Variants in TPT1 observed in about 807,000 individuals in gnomAD.
TPT1 encodes translationally-controlled tumor protein.
In TPT1, 5 loss-of-function variants were observed where a neutral mutation model predicts 22.8. That is an observed-to-expected ratio of 0.22 (90% CI 0.11 to 0.46). The LOEUF (loss-of-function observed/expected upper bound fraction) is 0.46, where lower values mean the gene tolerates loss of function less well. TPT1 is among the 20% of genes least tolerant of loss of function. TPT1 has a pLI of 0.99. For missense variants in TPT1, 130 were observed against 218.7 expected (o/e 0.59, Z 2.56); for synonymous variants, 89 against 73.6 (o/e 1.21, Z -1.07).
rs751541731 is a variant in TPT1, at chr13:45,341,171, G to C, written c.-102C>G. On this transcript the variant is annotated 5_prime_UTR_variant, in exon 1 of 6. Transcript: ENST00000530705. ...GAGCGGCGCTCGGGGGGAGGGGGGA[G>C]CGGGCGGAAAAGGCCGACTCAGCCG... is the stretch of plus-strand genomic sequence containing the variant. The C allele has an allele frequency of 3.1e-5, 48 of 1,533,122 alleles. No homozygotes were observed. The Admixed American group carries it at 8.7e-4, about 28-fold the overall frequency. The allele number at this position is 1,533,122 out of a possible 1,614,324, so 95.0% of individuals were successfully genotyped here. A position where few individuals can be genotyped will look rare whatever the true frequency, so the allele number is the denominator to read the frequency against.
intron 4 of TPT1, 103 bp downstream of exon 4, chr13:45,339,394 T>G: frequency 1.0e-6 from 1 of 989,098 alleles, no homozygotes; most frequent in South Asian, 2.1e-5. Flanking sequence ...AGCCACTTTC[T>G]ACACCTGGAA....
chr13:45,340,595 G>A (rs1186217694), intron 2 of TPT1, 117 bp downstream of exon 2: 9 of 1,224,766 alleles, frequency 7.3e-6, no homozygotes, highest in East Asian at 5.1e-5. Flanking sequence ...AGCCCGGAAA[G>A]AGCGTCTCCT....
At chr13:45,339,739 A>G (rs964312869) in intron 3 of TPT1, 137 bp from the exon 4 acceptor site, 5 of 795,152 alleles carry the variant, frequency 6.3e-6, no homozygotes, top group Admixed American at 2.9e-5. Context: ...TAGTTCACAG[A>G]AGGTATCTTT....
chr13:45,340,647 G>C lies in TPT1; in HGVS notation c.102+65C>G, dbSNP rs921038919. 5.9e-6 allele frequency: 9 copies of C among 1,519,178 alleles called. No individual in the cohort carries two copies. The East Asian group carries it at 1.7e-4, about 28-fold the overall frequency. The allele number at this position is 1,519,178 out of a possible 1,614,324, so 94.1% of individuals were successfully genotyped here. ...GGGAGGATTGCACAACCTCAGGCGG[G>C]GGAGCGGAGGAAACCCGAGCCCGCT... On this transcript the variant is annotated intron_variant, in intron 2 of 5. Coordinates refer to ENST00000530705, the MANE Select transcript of TPT1 (RefSeq NM_003295.4).
At position 45,340,735 on chromosome 13, in the gene TPT1, A is replaced by T. The variant is rs1432782619; in HGVS notation, c.79T>A (p.Leu27Met). 1 of 1,524,192 alleles carries T rather than the reference A, an allele frequency of 6.6e-7. No homozygotes were observed. The allele number at this position is 1,524,192 out of a possible 1,614,324, so 94.4% of individuals were successfully genotyped here. ...ACCTTCCCCTCCACCTCCAGGCACA[A>T]CCCGTCCGCGATCTCCCGGATCTTG... Reference protein sequence around the residue: ...IYKIREIADGLCLEVEGKMVS... With the variant: ...IYKIREIADGMCLEVEGKMVS... Residue 27 changes from leucine (L) to methionine (M), a missense_variant, in exon 2 of 6, where the codon TTG (leucine) becomes ATG (methionine). By Grantham distance (15) the Leu-to-Met change is conservative. Coordinates refer to ENST00000530705, the MANE Select transcript of TPT1 (RefSeq NM_003295.4).
chr13:45,340,858 C>T, intron 1 of TPT1, 73 bp from the exon 2 acceptor site: 2 of 1,464,114 alleles, frequency 1.4e-6, no homozygotes, highest in South Asian at 1.4e-5. Flanking sequence ...GCGCCGGCGG[C>T]CGCACGCGGG....
chr13:45,339,857 C>G lies in TPT1; in HGVS notation c.293+137G>C, dbSNP rs1041486973. 6.0e-6 allele frequency: 6 copies of G among 1,007,228 alleles called. No individual in the cohort carries two copies. In the South Asian group the frequency reaches 8.6e-5, roughly 14 times the overall value. The allele number at this position is 1,007,228 out of a possible 1,614,324, so 62.4% of individuals were successfully genotyped here. ...CTCATATTATAGAAAAGCAACCACT[C>G]TTTTCCGTGAACTCATTAATAAAAA... On this transcript the variant is annotated intron_variant, in intron 3 of 5. Transcript: ENST00000530705.
At position 45,338,890 on chromosome 13, in the gene TPT1, G is replaced by A. The variant is rs1878892794; in HGVS notation, c.400-114C>T. The stretch of plus-strand genomic sequence containing the variant: ...GACCACCACAAAAATCAAAACTTCA[G>A]TACCCAAAAGCTCTGATGCTCACTT... On this transcript the variant is annotated intron_variant, in intron 4 of 5. Transcript: ENST00000530705. The A allele has an allele frequency of 4.9e-6, 4 of 822,372 alleles. No individual in the cohort carries two copies. The African/African-American group carries it at 7.0e-5, about 14-fold the overall frequency. 50.9% of individuals were successfully genotyped at this position (822,372 alleles called of 1,614,324 possible). A position where few individuals can be genotyped will look rare whatever the true frequency, so the allele number is the denominator to read the frequency against.
rs1878661957 is a variant in TPT1 at position 45,336,049 on chromosome 13, G to A, written c.*1337C>T. 6.6e-6 allele frequency: 1 copy of A among 152,210 alleles called. No individual in the cohort carries two copies. The highest frequency in any genetic ancestry group is 1.5e-5 in the Non-Finnish European group (1 of 68,046). The allele number at this position is 152,210 out of a possible 1,614,324, so 9.4% of individuals were successfully genotyped here. On this transcript the variant is annotated 3_prime_UTR_variant, in exon 6 of 6. Coordinates refer to ENST00000530705, the MANE Select transcript of TPT1 (RefSeq NM_003295.4). ...CACGTTTTGAAAATTCCCCTCCCAG[G>A]CTAGGCCTGCACTTTGGGAGGCTGA...
At chr13:45,340,473 GCTC>G (rs1437180864) in intron 2 of TPT1, 1 of 739,744 alleles carries the variant, frequency 1.4e-6, no homozygotes. Context: ...AGGACTCCAG[GCTC>G]CTAAGCCGGA....
chr13:45,340,409 A>G (rs1879014623), intron 2 of TPT1: 1 of 780,794 alleles, frequency 1.3e-6, no homozygotes, highest in Non-Finnish European at 2.2e-6. Context: ...AGTTGTTTCC[A>G]GTTGCGGGCA....
Position 45,336,510 on chromosome 13 carries a change from CACCA to C in TPT1, c.*872_*875del, listed in dbSNP as rs912544668. The C allele has an allele frequency of 6.6e-6, 1 of 152,152 alleles. No individual in the cohort carries two copies. Among genetic ancestry groups the C allele is most frequent in the African/African-American group, 2.4e-5 (1 of 41,434 alleles). 9.4% of individuals were successfully genotyped at this position (152,152 alleles called of 1,614,324 possible). A position where few individuals can be genotyped will look rare whatever the true frequency, so the allele number is the denominator to read the frequency against. On this transcript the variant is annotated 3_prime_UTR_variant, in exon 6 of 6. Transcript: ENST00000530705. ...TAGAGAACATTTTTACCCCTTTGCC[CACCA>C]GCCAGCCCACATTCTGTGTACCTTC...
Position 45,335,973 on chromosome 13 carries a change from TTTTAC to T in TPT1, c.*1408_*1412del, listed in dbSNP as rs1484091862. On this transcript the variant is annotated 3_prime_UTR_variant, in exon 6 of 6. Transcript: ENST00000530705. The stretch of plus-strand genomic sequence containing the variant: ...GTCACTGGCCTGCTTTTAATCTTTC[TTTTAC>T]AAGTGTAATCAACCAGGTAAGGCTG... 1 of 152,162 alleles carries T rather than the reference TTTTAC, an allele frequency of 6.6e-6. No individual in the cohort carries two copies. Among genetic ancestry groups the T allele is most frequent in the Non-Finnish European group, 1.5e-5 (1 of 68,036 alleles). 9.4% of individuals were successfully genotyped at this position (152,162 alleles called of 1,614,324 possible). A position where few individuals can be genotyped will look rare whatever the true frequency, so the allele number is the denominator to read the frequency against.
At chr13:45,340,545 T>C in intron 2 of TPT1, 167 bp downstream of exon 2, 1 of 904,054 alleles carries the variant, frequency 1.1e-6, no homozygotes, top group Non-Finnish European at 1.8e-6. Context: ...CGGGCCTATT[T>C]CCAGGATCAG....
intron 3 of TPT1, 55 bp downstream of exon 3, chr13:45,339,939 T>C: frequency 6.3e-7 from 1 of 1,577,404 alleles, no homozygotes; most frequent in Non-Finnish European, 8.6e-7. Context: ...AGTTAGCCAA[T>C]CTTTAAATCC....
Position 45,336,117 on chromosome 13 carries a change from G to A in TPT1, c.*1269C>T, listed in dbSNP as rs906691949. ...GAGCCCAGGAGTTGAGACCACCCTGGGCAACTAAGCGATACTCGGTCTCTA... is the reference window on the plus strand; with the variant it reads ...GAGCCCAGGAGTTGAGACCACCCTGAGCAACTAAGCGATACTCGGTCTCTA... On this transcript the variant is annotated 3_prime_UTR_variant, in exon 6 of 6. Coordinates refer to ENST00000530705, the MANE Select transcript of TPT1 (RefSeq NM_003295.4). The A allele has an allele frequency of 6.6e-6, 1 of 152,158 alleles. No homozygotes were observed. Among genetic ancestry groups the A allele is most frequent in the African/African-American group, 2.4e-5 (1 of 41,416 alleles). The allele number at this position is 152,158 out of a possible 1,614,324, so 9.4% of individuals were successfully genotyped here.
intron 4 of TPT1, 147 bp downstream of exon 4, chr13:45,339,350 A>T (rs1878924180): frequency 1.7e-6 from 1 of 578,010 alleles, no homozygotes; most frequent in African/African-American, 1.9e-5. Context: ...TTTCAATCAG[A>T]AGACAAGATT....
At chr13:45,339,901 A>G in intron 3 of TPT1, 93 bp downstream of exon 3, 1 of 1,411,842 alleles carries the variant, frequency 7.1e-7, no homozygotes, top group South Asian at 1.3e-5. Flanking sequence ...CTTTCACAAA[A>G]GTATACCCAC....
At position 45,341,123 on chromosome 13, in the gene TPT1, TCGGAGCGAGCGCGGTGCAGC is replaced by T; in HGVS notation, c.-74_-55del. ...CGCTAGCTTAGCACGAGCCTGAAAC[TCGGAGCGAGCGCGGTGCAGC>T]CGGAGCGGCGCTCGGGGGGAGGGGG... On this transcript the variant is annotated 5_prime_UTR_variant, in exon 1 of 6. Coordinates refer to ENST00000530705, the MANE Select transcript of TPT1 (RefSeq NM_003295.4). 6.2e-7 allele frequency: 1 copy of T among 1,603,458 alleles called. No homozygotes were observed. Among genetic ancestry groups the T allele is most frequent in the Non-Finnish European group, 8.5e-7 (1 of 1,174,886 alleles).
Sources: gnomAD v4.1 joint callset for allele counts on GRCh38, gnomAD v4.1.1 for gene constraint, MANE v1.5 for transcripts, NCBI Gene and HGNC (gene_info 2026-07-23, HGNC 2026-07-21) for gene names.